Variants in ZBTB16 observed in about 807,000 individuals in gnomAD.
The protein encoded by ZBTB16 is zinc finger and BTB domain-containing protein 16.
Under a neutral mutation model 56.8 loss-of-function variants are expected in ZBTB16, and 8 were observed. That is an observed-to-expected ratio of 0.14 (90% confidence interval 0.08 to 0.25). ZBTB16 has a LOEUF of 0.25. Ranked by LOEUF, ZBTB16 falls within the 10% of genes least tolerant of loss-of-function variation. The pLI, the probability that ZBTB16 is intolerant of heterozygous loss-of-function variation, is 1.00. For missense variants in ZBTB16, 625 were observed against 903.0 expected, an observed-to-expected ratio of 0.69 and a Z score of 3.95; for synonymous variants, 363 against 368.5, an observed-to-expected ratio of 0.98 and a Z score of 0.17.
chr11:114,142,059 A>C (rs1941964309), intron 2 of ZBTB16, among the ~76,000 whole-genome samples: 1 of 152,222 alleles, frequency 6.6e-6, no homozygotes, highest in Admixed American at 6.5e-5. Flanking sequence ...GGAAATGCTT[A>C]ATGAATGACT....
In ZBTB16 at chr11:114,233,117, ACACACACACT is replaced by A. The variant is rs1245940866; in HGVS notation, c.1454-9048_1454-9039del. On this transcript the variant is annotated intron_variant, in intron 4 of 6. Coordinates refer to ENST00000335953, the MANE Select transcript of ZBTB16 (RefSeq NM_006006.6). ...CACACACACACACACACACACACAC[ACACACACACT>A]CTCTCTCTCTCACACTCCCTTTCCT... is the stretch of plus-strand genomic sequence containing the variant. Among the ~76,000 whole-genome samples, 55 of 61,648 alleles carry A rather than the reference ACACACACACT, an allele frequency of 8.9e-4. 1 individual carries two copies. The highest frequency in any genetic ancestry group is 1.1e-3 in the African/African-American group (24 of 22,248). The allele number at this position is 61,648 out of a possible 152,430, so 40.4% of individuals were successfully genotyped here.
intron 2 of ZBTB16, among the ~76,000 whole-genome samples, chr11:114,141,531 C>T (rs960132049): frequency 6.6e-6 from 1 of 152,192 alleles, no homozygotes; most frequent in Non-Finnish European, 1.5e-5. Context: ...ATTATGTTCT[C>T]AGTGTTGTGC....
intron 2 of ZBTB16, among the ~76,000 whole-genome samples, chr11:114,147,717 T>C (rs147690477): frequency 3.9e-5 from 6 of 152,336 alleles, no homozygotes; most frequent in Middle Eastern, 3.4e-3. Flanking sequence ...ACTACAAAAG[T>C]ATGTATTGAT....
intron 2 of ZBTB16, among the ~76,000 whole-genome samples, chr11:114,145,286 A>G (rs539571936): frequency 5.2e-5 from 8 of 152,388 alleles, no homozygotes; most frequent in African/African-American, 1.7e-4. Flanking sequence ...TAGAGTTACC[A>G]TATGAGCTGG....
intron 3 of ZBTB16, among the ~76,000 whole-genome samples, chr11:114,178,477 G>T (rs1442026279): frequency 6.6e-6 from 1 of 152,190 alleles, no homozygotes; most frequent in Admixed American, 6.5e-5. Context: ...GAGTTTGTTT[G>T]ATTCCAGAGA....
At chr11:114,183,794 T>G (rs1943304473) in intron 3 of ZBTB16, among the ~76,000 whole-genome samples, 1 of 152,250 alleles carries the variant, frequency 6.6e-6, no homozygotes, top group Non-Finnish European at 1.5e-5. Context: ...AGGCCCACTC[T>G]GCTCTTGGAG....
At chr11:114,085,590 A>G (rs1939932282) in intron 2 of ZBTB16, among the ~76,000 whole-genome samples, 1 of 152,128 alleles carries the variant, frequency 6.6e-6, no homozygotes, top group South Asian at 2.1e-4. Flanking sequence ...GAGGAATTGA[A>G]TTTTGAATTT....
chr11:114,102,550 C>A (rs1167686935), intron 2 of ZBTB16, among the ~76,000 whole-genome samples: 1 of 151,156 alleles, frequency 6.6e-6, no homozygotes, highest in Non-Finnish European at 1.5e-5. Flanking sequence ...GTCCCCCCCA[C>A]CCCCCGGCTG....
chr11:114,095,245 C>CTTTTCTTTTTTT (rs1555132749), intron 2 of ZBTB16, among the ~76,000 whole-genome samples: 7 of 90,460 alleles, frequency 7.7e-5, no homozygotes, highest in African/African-American at 3.7e-4. Flanking sequence ...CTTTTCTTTT[C>CTTTTCTTTTTTT]TTTTTTTTTT....
chr11:114,086,940 A>G (rs1939976149), intron 2 of ZBTB16, among the ~76,000 whole-genome samples: 2 of 152,132 alleles, frequency 1.3e-5, no homozygotes, highest in South Asian at 2.1e-4. Flanking sequence ...TATTGGCTCC[A>G]TTGACCCCTC....
intron 2 of ZBTB16, among the ~76,000 whole-genome samples, chr11:114,078,969 G>C (rs571967055): frequency 9.0e-4 from 136 of 151,540 alleles, no homozygotes; most frequent in Non-Finnish European, 1.4e-3. Context: ...CAGGAAAATC[G>C]CTTGGGATTA....
At chr11:114,162,508 C>T (rs1273747778) in intron 3 of ZBTB16, among the ~76,000 whole-genome samples, 1 of 152,148 alleles carries the variant, frequency 6.6e-6, no homozygotes, top group African/African-American at 2.4e-5. Context: ...CTCTCTCCTC[C>T]CAGATTAGGT....
At chr11:114,206,525 G>A (rs1293278004) in intron 4 of ZBTB16, among the ~76,000 whole-genome samples, 3 of 152,172 alleles carry the variant, frequency 2.0e-5, no homozygotes, top group Admixed American at 1.3e-4. Flanking sequence ...GTGAGTCAGG[G>A]TCTGCACCAG....
At chr11:114,199,306 G>A (rs914874874) in intron 4 of ZBTB16, among the ~76,000 whole-genome samples, 15 of 150,982 alleles carry the variant, frequency 9.9e-5, no homozygotes, top group Admixed American at 6.6e-4. Context: ...CATGGATGCC[G>A]CTGGGCCCCG....
At chr11:114,199,204 C>T (rs573673449) in intron 4 of ZBTB16, among the ~76,000 whole-genome samples, 6 of 150,546 alleles carry the variant, frequency 4.0e-5, no homozygotes, top group Non-Finnish European at 5.9e-5. Context: ...TGCCGGGCCC[C>T]GGGACGGGGA....
intron 3 of ZBTB16, among the ~76,000 whole-genome samples, chr11:114,178,068 G>T (rs749446544): frequency 2.6e-5 from 4 of 152,172 alleles, no homozygotes; most frequent in Non-Finnish European, 5.9e-5. Flanking sequence ...GGGAGCAGAC[G>T]GTAGGGGTGT....
At chr11:114,161,629 C>G (rs1040952779) in intron 3 of ZBTB16, among the ~76,000 whole-genome samples, 7 of 152,078 alleles carry the variant, frequency 4.6e-5, no homozygotes, top group African/African-American at 1.4e-4. Context: ...GGTGGTGTAA[C>G]CTGCGAGTGT....
At chr11:114,190,249 A>T (rs904294338) in intron 4 of ZBTB16, among the ~76,000 whole-genome samples, 13 of 152,206 alleles carry the variant, frequency 8.5e-5, no homozygotes, top group South Asian at 2.1e-4. Flanking sequence ...TGATGACTGC[A>T]CAGCTTCGAA....
At position 114,252,624 on chromosome 11, in the gene ZBTB16, T is replaced by A. The variant is rs1300794394; in HGVS notation, c.*2069T>A. ...TCATCTCATGCTTTATGTGTAAGAGTTTTTTATTATTATTTTTTCTTTCCT... is the reference window on the plus strand; with the variant it reads ...TCATCTCATGCTTTATGTGTAAGAGATTTTTATTATTATTTTTTCTTTCCT... On this transcript the variant is annotated 3_prime_UTR_variant, in exon 7 of 7. Transcript: ENST00000335953. Among the ~76,000 whole-genome samples, 1 of 151,910 alleles carries A rather than the reference T, an allele frequency of 6.6e-6. No individual in the cohort carries two copies. Among genetic ancestry groups the A allele is most frequent in the Non-Finnish European group, 1.5e-5 (1 of 67,990 alleles).
Sources: gnomAD v4.1 joint callset for allele counts (sites outside exome capture counted in the v4.1 genomes callset) on GRCh38, gnomAD v4.1.1 for gene constraint, MANE v1.5 for transcripts, NCBI Gene and HGNC (gene_info 2026-07-23, HGNC 2026-07-21) for gene names.